EFL1: variants seen among roughly 807,000 people sequenced by gnomAD.
EFL1 encodes the protein elongation factor like GTPase 1.
In EFL1, 76 loss-of-function variants were observed where a neutral mutation model predicts 126.7. The observed-to-expected ratio is 0.60, with a 90% CI of 0.50 to 0.73. EFL1 has a LOEUF of 0.73. EFL1 is among the 30% of genes least tolerant of loss of function. EFL1 has a pLI of 0.00. For missense variants in EFL1, 1,128 were observed against 1,343.2 expected, an observed-to-expected ratio of 0.84 and a Z score of 2.50; for synonymous variants, 410 against 448.4, an observed-to-expected ratio of 0.91 and a Z score of 1.08.
At chr15:82,151,409 G>A (rs549383570) in intron 18 of EFL1, 56 bp downstream of exon 18, 1 of 1,492,794 alleles carries the variant, frequency 6.7e-7, no homozygotes, top group East Asian at 2.3e-5. Flanking sequence ...TTTGAGTCTA[G>A]GAGACTTCAC....
chr15:82,173,145 G>A (rs1377127481), intron 15 of EFL1, among the ~76,000 whole-genome samples: 1 of 146,564 alleles, frequency 6.8e-6, no homozygotes, highest in Non-Finnish European at 1.6e-5. Context: ...CCACCAACAG[G>A]AGATTGAAAA....
intron 17 of EFL1, among the ~76,000 whole-genome samples, chr15:82,153,428 A>T (rs1042065713): frequency 1.3e-5 from 2 of 152,254 alleles, no homozygotes; most frequent in African/African-American, 4.8e-5. Flanking sequence ...AGATAAAATA[A>T]CAAAAACTAT....
At chr15:82,209,354 G>A (rs2074560841) in intron 15 of EFL1, among the ~76,000 whole-genome samples, 3 of 115,336 alleles carry the variant, frequency 2.6e-5, no homozygotes, top group Admixed American at 8.6e-5. Flanking sequence ...CACACACACA[G>A]ATTATCAACA....
chr15:82,194,475 C>T (rs2074389491), intron 15 of EFL1, among the ~76,000 whole-genome samples: 1 of 152,162 alleles, frequency 6.6e-6, no homozygotes, highest in East Asian at 1.9e-4. Context: ...AAAGCAGCTA[C>T]TAATAGAAAT....
intron 18 of EFL1, among the ~76,000 whole-genome samples, chr15:82,144,789 T>C (rs927503057): frequency 3.3e-5 from 5 of 150,636 alleles, no homozygotes; most frequent in Admixed American, 2.6e-4. Flanking sequence ...GGTCAGGAGA[T>C]GGAGACCATC....
chr15:82,195,398 T>C (rs1353746192), intron 15 of EFL1, among the ~76,000 whole-genome samples: 1 of 152,120 alleles, frequency 6.6e-6, no homozygotes, highest in Non-Finnish European at 1.5e-5. Context: ...GATTAATATA[T>C]CTACTAATGA....
intron 16 of EFL1, among the ~76,000 whole-genome samples, chr15:82,161,810 G>A (rs1224507354): frequency 6.6e-6 from 1 of 152,138 alleles, no homozygotes; most frequent in African/African-American, 2.4e-5. Context: ...CTATGAATCA[G>A]CTATAGTACA....
intron 17 of EFL1, among the ~76,000 whole-genome samples, chr15:82,155,127 T>C (rs1282694703): frequency 1.3e-5 from 2 of 152,224 alleles, no homozygotes; most frequent in African/African-American, 2.4e-5. Flanking sequence ...TAGAATTCCA[T>C]TGTATGAATA....
At chr15:82,222,854 C>A (rs986332993) in intron 12 of EFL1, among the ~76,000 whole-genome samples, 14 of 152,150 alleles carry the variant, frequency 9.2e-5, no homozygotes, top group Admixed American at 9.2e-4. Flanking sequence ...GTTACTAATA[C>A]TGAGATGAAG....
chr15:82,209,425 C>T (rs2074561553), intron 15 of EFL1, among the ~76,000 whole-genome samples: 2 of 151,814 alleles, frequency 1.3e-5, no homozygotes, highest in Admixed American at 1.3e-4. Flanking sequence ...CAGAAAAAGG[C>T]TAATTAATAT....
intron 19 of EFL1, among the ~76,000 whole-genome samples, chr15:82,133,113 C>A (rs930780549): frequency 6.6e-6 from 1 of 152,158 alleles, no homozygotes; most frequent in African/African-American, 2.4e-5. Flanking sequence ...TGGAACAATT[C>A]TGTATCTTGA....
At chr15:82,180,359 CA>C (rs71156028) in intron 15 of EFL1, among the ~76,000 whole-genome samples, 38,860 of 118,308 alleles carry the variant, frequency 0.33, 6,307 homozygotes, top group African/African-American at 0.48. Flanking sequence ...ATTAAACTGG[CA>C]AAAAAAAAAA....
chr15:82,181,789 T>A (rs1244706998), intron 15 of EFL1, among the ~76,000 whole-genome samples: 2 of 152,162 alleles, frequency 1.3e-5, no homozygotes, highest in African/African-American at 4.8e-5. Context: ...CGTTCCTTAT[T>A]ATAACACCAC....
At chr15:82,209,891 C>T (rs1222318659) in intron 15 of EFL1, among the ~76,000 whole-genome samples, 1 of 152,174 alleles carries the variant, frequency 6.6e-6, no homozygotes. Flanking sequence ...CTGAATAATG[C>T]TGAATTGTCC....
intron 15 of EFL1, among the ~76,000 whole-genome samples, chr15:82,178,108 G>A (rs2074213342): frequency 6.6e-6 from 1 of 152,168 alleles, no homozygotes; most frequent in Non-Finnish European, 1.5e-5. Flanking sequence ...TTCTCAATAA[G>A]CATTCTTTAG....
At chr15:82,187,787 G>C (rs1275846513) in intron 15 of EFL1, among the ~76,000 whole-genome samples, 1 of 151,900 alleles carries the variant, frequency 6.6e-6, no homozygotes, top group East Asian at 1.9e-4. Flanking sequence ...CTAGAGGAGG[G>C]AATATTTGTT....
At chr15:82,204,633 C>T (rs569660336) in intron 15 of EFL1, among the ~76,000 whole-genome samples, 2 of 152,348 alleles carry the variant, frequency 1.3e-5, no homozygotes, top group South Asian at 4.1e-4. Flanking sequence ...TTTCTCCATT[C>T]TGTCATGTGC....
At chr15:82,183,788 G>A (rs1374942670) in intron 15 of EFL1, among the ~76,000 whole-genome samples, 1 of 152,186 alleles carries the variant, frequency 6.6e-6, no homozygotes, top group Non-Finnish European at 1.5e-5. Flanking sequence ...AGTTATTGAA[G>A]CCAGCATTAA....
chr15:82,228,536 C>T (rs559661560), intron 9 of EFL1, among the ~76,000 whole-genome samples: 1 of 152,286 alleles, frequency 6.6e-6, no homozygotes, highest in African/African-American at 2.4e-5. Context: ...TAAGATTTCC[C>T]AGGAAGTACT....
Sources: allele counts gnomAD v4.1 joint callset (sites outside exome capture counted in the v4.1 genomes callset), GRCh38; gene constraint gnomAD v4.1.1; transcripts MANE v1.5; gene names NCBI Gene and HGNC (gene_info 2026-07-23, HGNC 2026-07-21).